Variants in HEATR4 observed in about 807,000 individuals in gnomAD.
The protein encoded by HEATR4 is HEAT repeat-containing protein 4.
A neutral mutation model predicts 108.8 loss-of-function variants in HEATR4; 95 were observed. The ratio of observed to expected loss-of-function variants is 0.87; its 90% CI spans 0.74 to 1.04. HEATR4 has a LOEUF of 1.04. HEATR4 is among the 50% of genes least tolerant of loss of function. HEATR4 has a pLI of 0.00. For missense variants in HEATR4, 1,152 were observed against 1,253.8 expected, an observed-to-expected ratio of 0.92 and a Z score of 1.23; for synonymous variants, 443 against 459.4, an observed-to-expected ratio of 0.96 and a Z score of 0.46.
At chr14:73,597,070 T>TTTTA in the HEATR4 span, among the ~76,000 whole-genome samples, 76,846 of 148,760 alleles carry the variant, frequency 0.52, 20,725 homozygotes, top group East Asian at 0.79. Flanking sequence ...GGTAATTTTA[T>TTTTA]TTTATTTATT....
the HEATR4 span, chr14:73,568,273 A>G: frequency 6.6e-6 from 1 of 151,990 alleles, no homozygotes; most frequent in South Asian, 2.1e-4. Flanking sequence ...CTACACATTT[A>G]TAGCTTTCTC....
chr14:73,633,090 C>T, the HEATR4 span, among the ~76,000 whole-genome samples: 1 of 150,562 alleles, frequency 6.6e-6, no homozygotes, highest in African/African-American at 2.5e-5. Context: ...CTGCAGCCTC[C>T]GCCTCCCGGT....
chr14:73,555,066 G>A lies in HEATR4; in HGVS notation c.-152+3685C>T, dbSNP rs1403621416. On this transcript the variant is annotated intron_variant, in intron 1 of 17. Coordinates refer to ENST00000553558, the MANE Select transcript of HEATR4 (RefSeq NM_001220484.1). ...TTAAACTAAAAAAAAAGAATGTAGA[G>A]GGAGAGATCAATGTAAAAATTTATT... Among the ~76,000 whole-genome samples, 5 of 113,352 alleles carry A rather than the reference G, an allele frequency of 4.4e-5. 2 individuals are homozygous for A. Among genetic ancestry groups the A allele is most frequent in the Non-Finnish European group, 5.8e-5 (3 of 51,958 alleles). 74.4% of individuals were successfully genotyped at this position (113,352 alleles called of 152,430 possible). A position where few individuals can be genotyped will look rare whatever the true frequency, so the allele number is the denominator to read the frequency against.
At chr14:73,528,626 A>G (rs1888510743) in intron 2 of HEATR4, among the ~76,000 whole-genome samples, 1 of 152,176 alleles carries the variant, frequency 6.6e-6, no homozygotes, top group Admixed American at 6.5e-5. Context: ...TTGGGCAAAT[A>G]ATTTAAAATC....
chr14:73,517,041 G>C (rs1990204), intron 5 of HEATR4, among the ~76,000 whole-genome samples: 34,960 of 152,030 alleles, frequency 0.23, 4,704 homozygotes, highest in African/African-American at 0.33. Flanking sequence ...CTTTGTTTGG[G>C]AGGCTAAGGT....
the HEATR4 span, chr14:73,611,735 G>C: frequency 3.3e-5 from 5 of 152,162 alleles, no homozygotes; most frequent in African/African-American, 7.2e-5. Context: ...TATGTTTCTT[G>C]CTAAAGATCA....
At chr14:73,611,980 T>C in the HEATR4 span, among the ~76,000 whole-genome samples, 2 of 152,150 alleles carry the variant, frequency 1.3e-5, no homozygotes, top group Non-Finnish European at 2.9e-5. Flanking sequence ...CCTTTAGCTC[T>C]CAGTGGTTTT....
the HEATR4 span, among the ~76,000 whole-genome samples, chr14:73,568,647 G>T: frequency 2.6e-5 from 4 of 152,128 alleles, no homozygotes; most frequent in East Asian, 7.7e-4. Context: ...AGCCGGGCGC[G>T]GTGGCTCATG....
At chr14:73,526,717 T>A (rs1383037464) in intron 2 of HEATR4, among the ~76,000 whole-genome samples, 1 of 152,146 alleles carries the variant, frequency 6.6e-6, no homozygotes, top group Non-Finnish European at 1.5e-5. Context: ...CTCTGATGGG[T>A]CAGATTTATC....
intron 1 of HEATR4, among the ~76,000 whole-genome samples, chr14:73,550,882 C>T (rs1889308926): frequency 8.7e-6 from 1 of 115,066 alleles, no homozygotes; most frequent in African/African-American, 2.8e-5. Context: ...GCAGTTTTTG[C>T]TGGGCGCGGT....
the HEATR4 span, chr14:73,612,689 G>C: frequency 7.1e-7 from 1 of 1,406,240 alleles, no homozygotes; most frequent in South Asian, 1.5e-5. Flanking sequence ...GTCCCTGCGC[G>C]ACGAAGAGGG....
the HEATR4 span, chr14:73,569,994 A>AT: frequency 7.0e-7 from 1 of 1,429,344 alleles, no homozygotes; most frequent in Non-Finnish European, 9.2e-7. Context: ...CCCCCGGGCT[A>AT]TATTGCCCAG....
chr14:73,629,154 A>C, the HEATR4 span, among the ~76,000 whole-genome samples: 21,587 of 152,178 alleles, frequency 0.14, 2,178 homozygotes, highest in Non-Finnish European at 0.22. Flanking sequence ...GGAGGCAAAA[A>C]TATCAGCAAA....
At chr14:73,563,190 C>CTCTT (rs35518531), upstream of HEATR4, among the ~76,000 whole-genome samples, 123,617 of 151,632 alleles carry the variant, frequency 0.82, 51,249 homozygotes, top group African/African-American at 0.95. Flanking sequence ...TGTACTGTCT[C>CTCTT]TATTTGTCAG....
chr14:73,579,265 TAAAAAAA>T, the HEATR4 span, among the ~76,000 whole-genome samples: 28,621 of 70,866 alleles, frequency 0.4, 4,638 homozygotes, highest in East Asian at 0.64. Context: ...TCAAAAAAAT[TAAAAAAA>T]AAAAAAAAAA....
the HEATR4 span, among the ~76,000 whole-genome samples, chr14:73,589,315 T>C: frequency 7.2e-6 from 1 of 139,344 alleles, no homozygotes; most frequent in Admixed American, 6.8e-5. Flanking sequence ...TTCCCTTTTT[T>C]CTTTTCTTTT....
intron 14 of HEATR4, among the ~76,000 whole-genome samples, chr14:73,497,623 A>T (rs1385922508): frequency 6.6e-6 from 1 of 151,910 alleles, no homozygotes; most frequent in Non-Finnish European, 1.5e-5. Context: ...GAATAACTTA[A>T]AACCCATCCT....
At position 73,478,638 on chromosome 14, in the gene HEATR4, A is replaced by C; in HGVS notation, c.3049T>G (p.Ser1017Ala). ...TGAGCACCTTTCTTTCCAGAGGGAG[A>C]AGACATGATGGGAGAAAAAAATGTT... ...ERTFFSPIMS[S>A]PSGKKGAHL Residue 1017 changes from serine (S) to alanine (A), a missense_variant, in exon 18 of 18, where the codon TCT (serine) becomes GCT (alanine). By Grantham distance (99) the Ser-to-Ala change is moderately conservative (BLOSUM62 1). Coordinates refer to ENST00000553558, the MANE Select transcript of HEATR4 (RefSeq NM_001220484.1). 6.2e-7 allele frequency: 1 copy of C among 1,613,828 alleles called. No individual in the cohort carries two copies. The highest frequency in any genetic ancestry group is 8.5e-7 in the Non-Finnish European group (1 of 1,179,808).
chr14:73,604,841 G>C, the HEATR4 span, among the ~76,000 whole-genome samples: 6 of 152,096 alleles, frequency 3.9e-5, no homozygotes, highest in Admixed American at 1.3e-4. Flanking sequence ...CAAGAAACAG[G>C]GGCAAGGAAA....
Sources: gnomAD v4.1 joint callset for allele counts (sites outside exome capture counted in the v4.1 genomes callset) on GRCh38, gnomAD v4.1.1 for gene constraint, MANE v1.5 for transcripts, NCBI Gene and HGNC (gene_info 2026-07-23, HGNC 2026-07-21) for gene names.